The following PRSS23 variants were observed in gnomAD, a reference collection of about 807,000 sequenced individuals.
PRSS23 encodes the protein serine protease 23.
Under a neutral mutation model 34.7 loss-of-function variants are expected in PRSS23, and 25 were observed. The observed-to-expected ratio is 0.72, with a 90% CI of 0.53 to 1.01. The LOEUF (loss-of-function observed/expected upper bound fraction) is 1.01, where lower values mean the gene tolerates loss of function less well. Among genes scored for constraint, PRSS23 ranks in the 50% least tolerant of loss-of-function variants. PRSS23 has a pLI of 0.00. For synonymous variants in PRSS23, 176 were observed against 186.6 expected, an observed-to-expected ratio of 0.94 and a Z score of 0.46; for missense variants, 445 against 475.6, an observed-to-expected ratio of 0.94 and a Z score of 0.60.
chr11:86,915,073 C>A (rs972747137), intron 2 of PRSS23, among the ~76,000 whole-genome samples: 7 of 152,154 alleles, frequency 4.6e-5, no homozygotes, highest in Non-Finnish European at 1.0e-4. Context: ...CAGTTGGGAA[C>A]CATCAATCGC....
In PRSS23 at chr11:86,833,051, G is replaced by A. The variant is rs1362549601; in HGVS notation, c.206+9458G>A. On this transcript the variant is annotated intron_variant, in intron 2 of 2. Coordinates refer to the PRSS23 transcript ENST00000533902. ...GGAAGCCACAGAAACATGGGTTCATGATGGCTGAATAATATAGAGGGTGAC... is the reference window on the plus strand; with the variant it reads ...GGAAGCCACAGAAACATGGGTTCATAATGGCTGAATAATATAGAGGGTGAC... 5.0e-5 allele frequency: 25 copies of A among 504,996 alleles called. No homozygotes were observed. In the East Asian group the frequency reaches 1.0e-3, roughly 21 times the overall value. The allele number at this position is 504,996 out of a possible 1,614,324, so 31.3% of individuals were successfully genotyped here.
intron 2 of PRSS23, among the ~76,000 whole-genome samples, chr11:86,866,737 G>C (rs1948652027): frequency 1.3e-5 from 2 of 152,172 alleles, no homozygotes; most frequent in African/African-American, 4.8e-5. Context: ...CTCATGAATA[G>C]ATTGATGCCC....
At chr11:86,836,612 T>C (rs1948407497) in intron 2 of PRSS23, among the ~76,000 whole-genome samples, 2 of 152,198 alleles carry the variant, frequency 1.3e-5, no homozygotes, top group Non-Finnish European at 2.9e-5. Flanking sequence ...ACTTAGTGGC[T>C]GGGAGAAGTA....
At chr11:86,813,689 A>G (rs1274695427), downstream of PRSS23, among the ~76,000 whole-genome samples, 2 of 152,166 alleles carry the variant, frequency 1.3e-5, no homozygotes, top group African/African-American at 4.8e-5. Context: ...TAATATATTT[A>G]TATTAACAGC....
At chr11:86,871,012 C>G (rs1356666967) in intron 2 of PRSS23, among the ~76,000 whole-genome samples, 1 of 152,022 alleles carries the variant, frequency 6.6e-6, no homozygotes, top group Admixed American at 6.6e-5. Context: ...AATTTTTTTC[C>G]TGATTATGAA....
intron 2 of PRSS23, among the ~76,000 whole-genome samples, chr11:86,866,078 G>A (rs1208414521): frequency 6.6e-6 from 1 of 152,136 alleles, no homozygotes; most frequent in East Asian, 1.9e-4. Flanking sequence ...AAATTGGGCT[G>A]GGGTATTTCA....
intron 2 of PRSS23, among the ~76,000 whole-genome samples, chr11:86,885,973 AATG>A (rs142318478): frequency 0.087 from 13,161 of 152,108 alleles, 618 homozygotes; most frequent in East Asian, 0.19. Context: ...TCTGGTAGTT[AATG>A]ATGATGATGA....
intron 2 of PRSS23, among the ~76,000 whole-genome samples, chr11:86,930,556 C>T (rs1277862783): frequency 6.6e-6 from 1 of 152,158 alleles, no homozygotes; most frequent in Admixed American, 6.5e-5. Context: ...CTTTGGGAGG[C>T]CGAGGCGGGC....
intron 1 of PRSS23, chr11:86,821,297 A>G (rs1590878004): frequency 3.5e-6 from 2 of 578,794 alleles, no homozygotes; most frequent in Middle Eastern, 5.5e-4. Context: ...TTCATCAAAT[A>G]TCTACCAATG....
chr11:86,819,284 G>A (rs1166958054), intron 1 of PRSS23, among the ~76,000 whole-genome samples: 1 of 152,068 alleles, frequency 6.6e-6, no homozygotes, highest in African/African-American at 2.4e-5. Context: ...CTGGGTCCAG[G>A]CCATCTGCAC....
At chr11:86,910,037 G>T (rs1219900721) in intron 2 of PRSS23, 4 of 152,074 alleles carry the variant, frequency 2.6e-5, no homozygotes, top group Non-Finnish European at 4.4e-5. Flanking sequence ...AACTAAACAT[G>T]TCCAAAAAAC....
chr11:86,951,884 A>G (rs1380260640), exon 3 of PRSS23: 1 of 1,613,758 alleles, frequency 6.2e-7, no homozygotes, highest in Non-Finnish European at 8.5e-7. Context: ...TTGGATGAGA[A>G]CAGGTTCTGC....
intron 2 of PRSS23, chr11:86,832,951 G>A (rs991863414): frequency 8.1e-6 from 3 of 370,152 alleles, no homozygotes; most frequent in African/African-American, 6.4e-5. Context: ...CATCCTTGAT[G>A]CAGGTCATTT....
intron 2 of PRSS23, among the ~76,000 whole-genome samples, chr11:86,827,460 A>G (rs1202564245): frequency 6.6e-6 from 1 of 152,258 alleles, no homozygotes. Context: ...GGATTCATTA[A>G]TTTTTTGAAG....
chr11:86,818,692 A>C (rs1412515523), intron 1 of PRSS23, among the ~76,000 whole-genome samples: 1 of 152,004 alleles, frequency 6.6e-6, no homozygotes, highest in South Asian at 2.1e-4. Context: ...ACTTATGACT[A>C]TTTCCCAGAT....
In PRSS23 at chr11:86,809,629, A is replaced by G. The variant is rs1210761213; in HGVS notation, c.*834A>G. 1 of 167,074 alleles carries G rather than the reference A, an allele frequency of 6.0e-6. No individual in the cohort carries two copies. Among genetic ancestry groups the G allele is most frequent in the African/African-American group, 2.4e-5 (1 of 41,466 alleles). The allele number at this position is 167,074 out of a possible 1,614,324, so 10.3% of individuals were successfully genotyped here. ...TTCAGAAGACAATAATCAGGGCTTA[A>G]TTAGAACAGGCTGTATTTCCTCCCA... is the stretch of plus-strand genomic sequence containing the variant. On this transcript the variant is annotated 3_prime_UTR_variant, in exon 2 of 2. Transcript: ENST00000280258.
At chr11:86,826,662 G>T (rs1168301797) in intron 2 of PRSS23, among the ~76,000 whole-genome samples, 1 of 152,120 alleles carries the variant, frequency 6.6e-6, no homozygotes, top group Non-Finnish European at 1.5e-5. Context: ...TTTGAGATAC[G>T]TCCCATCAAT....
intron 2 of PRSS23, among the ~76,000 whole-genome samples, chr11:86,845,778 C>T (rs148009759): frequency 6.6e-6 from 1 of 152,294 alleles, no homozygotes; most frequent in Non-Finnish European, 1.5e-5. Context: ...CTTCCCCCTA[C>T]CCCAAAACTA....
chr11:86,951,929 C>T, exon 3 of PRSS23: 1 of 1,613,856 alleles, frequency 6.2e-7, no homozygotes, highest in Non-Finnish European at 8.5e-7. Flanking sequence ...CCTTTCCCGG[C>T]CTACAGTCAG....
Sources: gnomAD v4.1 joint callset for allele counts (sites outside exome capture counted in the v4.1 genomes callset) on GRCh38, gnomAD v4.1.1 for gene constraint, MANE v1.5 for transcripts, NCBI Gene and HGNC (gene_info 2026-07-23, HGNC 2026-07-21) for gene names.